The following POU6F2 variants were observed in gnomAD, a reference collection of about 807,000 sequenced individuals.
The protein encoded by POU6F2 is POU class 6 homeobox 2.
A neutral mutation model predicts 71.3 loss-of-function variants in POU6F2; 31 were observed. That is an observed-to-expected ratio of 0.43 (90% CI 0.33 to 0.59). The LOEUF (loss-of-function observed/expected upper bound fraction) is 0.59, where lower values mean the gene tolerates loss of function less well. Ranked by LOEUF, POU6F2 falls within the 20% of genes least tolerant of loss-of-function variation. The pLI is 0.04. For missense variants in POU6F2, 783 were observed against 856.8 expected, an observed-to-expected ratio of 0.91 and a Z score of 1.07; for synonymous variants, 347 against 355.7, an observed-to-expected ratio of 0.98 and a Z score of 0.27.
intron 4 of POU6F2, among the ~76,000 whole-genome samples, chr7:39,253,663 G>A (rs955996436): frequency 5.3e-5 from 8 of 152,160 alleles, no homozygotes; most frequent in African/African-American, 1.2e-4. Flanking sequence ...AGACCCCAGC[G>A]TCATGCAAAG....
At chr7:39,286,466 A>G (rs913343808) in intron 4 of POU6F2, among the ~76,000 whole-genome samples, 2 of 152,230 alleles carry the variant, frequency 1.3e-5, no homozygotes, top group South Asian at 4.1e-4. Flanking sequence ...TTAACAGGAC[A>G]ATGTAAAATG....
At chr7:39,310,929 T>C (rs898949644) in intron 4 of POU6F2, among the ~76,000 whole-genome samples, 1 of 152,042 alleles carries the variant, frequency 6.6e-6, no homozygotes, top group African/African-American at 2.4e-5. Context: ...AGCAGGACAA[T>C]GGCGACCTCA....
chr7:39,305,389 T>G (rs1464436099), intron 4 of POU6F2, among the ~76,000 whole-genome samples: 1 of 152,270 alleles, frequency 6.6e-6, no homozygotes, highest in Non-Finnish European at 1.5e-5. Context: ...AAAATGTATG[T>G]AACTCAAAAA....
chr7:39,239,574 T>C (rs1189060504), intron 4 of POU6F2, among the ~76,000 whole-genome samples: 1 of 152,110 alleles, frequency 6.6e-6, no homozygotes, highest in Admixed American at 6.6e-5. Context: ...AAATTCTGAA[T>C]CCAAAATTTC....
intron 4 of POU6F2, among the ~76,000 whole-genome samples, chr7:39,326,882 C>T (rs567089102): frequency 6.6e-6 from 1 of 152,300 alleles, no homozygotes; most frequent in East Asian, 1.9e-4. Flanking sequence ...AAAGTCCCAG[C>T]TCCAGTTTCC....
chr7:39,017,067 T>G (rs1461208626), intron 1 of POU6F2, among the ~76,000 whole-genome samples: 3 of 152,178 alleles, frequency 2.0e-5, no homozygotes, highest in Non-Finnish European at 4.4e-5. Context: ...AACTTCTATT[T>G]TATCATGTTG....
intron 2 of POU6F2, among the ~76,000 whole-genome samples, chr7:39,094,005 C>T (rs1791405714): frequency 6.6e-6 from 1 of 152,020 alleles, no homozygotes. Context: ...AATAAGCTTT[C>T]TTTTAGTTCA....
chr7:39,231,524 A>C (rs1408599427), intron 4 of POU6F2, among the ~76,000 whole-genome samples: 1 of 152,182 alleles, frequency 6.6e-6, no homozygotes, highest in Non-Finnish European at 1.5e-5. Context: ...GGTATGGCAG[A>C]GATATTTCTG....
chr7:39,435,534 T>G (rs188825607), intron 7 of POU6F2, among the ~76,000 whole-genome samples: 27 of 152,362 alleles, frequency 1.8e-4, no homozygotes, highest in Non-Finnish European at 3.8e-4. Flanking sequence ...ATTAGACCTT[T>G]GTCAGATGGA....
At chr7:39,035,585 A>T (rs1180066121) in intron 1 of POU6F2, among the ~76,000 whole-genome samples, 1 of 152,144 alleles carries the variant, frequency 6.6e-6, no homozygotes, top group African/African-American at 2.4e-5. Flanking sequence ...CTTCCTGCGA[A>T]TCAGGTTTCT....
At chr7:39,267,641 T>TC (rs1314794533) in intron 4 of POU6F2, among the ~76,000 whole-genome samples, 1 of 71,770 alleles carries the variant, frequency 1.4e-5, no homozygotes, top group East Asian at 6.3e-4. Flanking sequence ...ATTTTATTTA[T>TC]TTTTTTTTTT....
At chr7:39,292,859 T>A (rs4358689) in intron 4 of POU6F2, among the ~76,000 whole-genome samples, 33,594 of 152,004 alleles carry the variant, frequency 0.22, 4,186 homozygotes, top group African/African-American at 0.35. Flanking sequence ...GATAATTGGG[T>A]TGGGGGGCTG....
rs186616873 is a variant in POU6F2 at position 39,163,977 on chromosome 7, A to T, written c.278-40258A>T. ...GAAGGGGAGATGTTGTTCAAAGGAT[A>T]CAAAATTCCAGTTAGGCAGGAGAAG... On this transcript the variant is annotated intron_variant, in intron 2 of 9. Transcript: ENST00000518318. 1.8e-3 allele frequency among the ~76,000 whole-genome samples: 272 copies of T among 152,292 alleles called. 1 individual carries two copies. Among genetic ancestry groups the T allele is most frequent in the African/African-American group, 6.2e-3 (257 of 41,572 alleles).
chr7:39,025,872 G>A (rs1261166992), intron 1 of POU6F2, among the ~76,000 whole-genome samples: 1 of 150,854 alleles, frequency 6.6e-6, no homozygotes, highest in African/African-American at 2.4e-5. Context: ...CAAATATCCA[G>A]AATCTACAAT....
At chr7:39,448,165 G>T (rs534965115) in intron 7 of POU6F2, among the ~76,000 whole-genome samples, 1 of 152,268 alleles carries the variant, frequency 6.6e-6, no homozygotes, top group South Asian at 2.1e-4. Flanking sequence ...CATAGAAGTG[G>T]TACTTCTGAA....
At chr7:39,250,007 G>A (rs1783886274) in intron 4 of POU6F2, among the ~76,000 whole-genome samples, 1 of 152,178 alleles carries the variant, frequency 6.6e-6, no homozygotes, top group Non-Finnish European at 1.5e-5. Context: ...AGGCATTAAA[G>A]CGTGGGCTCT....
intron 3 of POU6F2, among the ~76,000 whole-genome samples, chr7:39,205,763 G>A (rs1793998361): frequency 6.6e-6 from 1 of 152,204 alleles, no homozygotes; most frequent in African/African-American, 2.4e-5. Context: ...GTCTAAAGCA[G>A]CAGTTCTAAA....
At chr7:39,339,063 T>A (rs752440183) in intron 4 of POU6F2, among the ~76,000 whole-genome samples, 26 of 144,054 alleles carry the variant, frequency 1.8e-4, no homozygotes, top group Non-Finnish European at 2.7e-4. Context: ...TGGAGAAGCA[T>A]GTACTGCTTT....
chr7:39,264,578 G>C (rs4557603), intron 4 of POU6F2, among the ~76,000 whole-genome samples: 82,001 of 151,922 alleles, frequency 0.54, 22,176 homozygotes, highest in East Asian at 0.63. Context: ...AGACTAAGAT[G>C]TGGTGAGGTC....
Sources: allele counts gnomAD v4.1 joint callset (sites outside exome capture counted in the v4.1 genomes callset), GRCh38; gene constraint gnomAD v4.1.1; transcripts MANE v1.5; gene names NCBI Gene and HGNC (gene_info 2026-07-23, HGNC 2026-07-21).